ANK2: variants seen among roughly 807,000 people sequenced by gnomAD.
ANK2 encodes ankyrin 2.
Under a neutral mutation model 360.5 loss-of-function variants are expected in ANK2, and 83 were observed. That is an observed-to-expected ratio of 0.23 (90% confidence interval 0.19 to 0.28). The LOEUF (loss-of-function observed/expected upper bound fraction) is 0.28, where lower values mean the gene tolerates loss of function less well. Ranked by LOEUF, ANK2 falls within the 10% of genes least tolerant of loss-of-function variation. The pLI is 1.00. For synonymous variants in ANK2, 1,740 were observed against 1,759.5 expected, an observed-to-expected ratio of 0.99 and a Z score of 0.28; for missense variants, 4,201 against 4,795.7, an observed-to-expected ratio of 0.88 and a Z score of 3.66.
At position 113,170,722 on chromosome 4, in the gene ANK2, A is replaced by G. The variant is rs147540930; in HGVS notation, c.85-3694A>G. On this transcript the variant is annotated intron_variant, in intron 1 of 45. Coordinates refer to ENST00000357077, the MANE Select transcript of ANK2 (RefSeq NM_001148.6). ...ATTCCTCCCTGCCTTTCATGTCCACACTGCTGGGTGCTAAGAAAGTTGTTC... is the reference window on the plus strand; with the variant it reads ...ATTCCTCCCTGCCTTTCATGTCCACGCTGCTGGGTGCTAAGAAAGTTGTTC... Among the ~76,000 whole-genome samples, 95 of 152,314 alleles carry G rather than the reference A, an allele frequency of 6.2e-4. No individual in the cohort carries two copies. The East Asian group carries it at 0.016, about 26-fold the overall frequency.
intron 1 of ANK2, chr4:112,881,828 T>C: frequency 1.1e-6 from 1 of 938,240 alleles, no homozygotes; most frequent in Non-Finnish European, 1.7e-6. Context: ...CACCAACAAA[T>C]ATCTTTTTCA....
At chr4:113,321,824 C>T (rs759312884) in intron 26 of ANK2, among the ~76,000 whole-genome samples, 12 of 152,150 alleles carry the variant, frequency 7.9e-5, no homozygotes, top group Non-Finnish European at 1.3e-4. Context: ...CCTCCACCTC[C>T]CGGGTTCAAG....
At chr4:113,369,897 C>T in intron 43 of ANK2, 92 bp downstream of exon 43, 1 of 1,540,054 alleles carries the variant, frequency 6.5e-7, no homozygotes, top group African/African-American at 1.4e-5. Flanking sequence ...TTTTGCACTT[C>T]AAAACAAAAA....
intron 1 of ANK2, among the ~76,000 whole-genome samples, chr4:113,112,552 C>T (rs1174607253): frequency 1.3e-5 from 2 of 152,186 alleles, no homozygotes; most frequent in East Asian, 1.9e-4. Flanking sequence ...CCCCAGACTT[C>T]CTCTGTCATA....
chr4:113,020,509 C>T (rs189026694), intron 2 of ANK2, among the ~76,000 whole-genome samples: 6 of 152,122 alleles, frequency 3.9e-5, no homozygotes, highest in African/African-American at 9.6e-5. Flanking sequence ...GCAGTCTTAA[C>T]GATAATTTGT....
chr4:112,787,876 C>T, the ANK2 span, among the ~76,000 whole-genome samples: 59 of 152,274 alleles, frequency 3.9e-4, no homozygotes, highest in Non-Finnish European at 6.6e-4. Context: ...ATGTTCTGAA[C>T]TTAGCTGAAA....
At chr4:112,856,882 C>T (rs1450028623) in intron 1 of ANK2, among the ~76,000 whole-genome samples, 1 of 152,110 alleles carries the variant, frequency 6.6e-6, no homozygotes, top group Non-Finnish European at 1.5e-5. Context: ...CAGTTGAAGA[C>T]GTATAGCCAA....
intron 39 of ANK2, 67 bp downstream of exon 39, chr4:113,360,964 C>T (rs987523482): frequency 1.4e-6 from 2 of 1,395,624 alleles, no homozygotes; most frequent in Admixed American, 1.8e-5. Context: ...GTGTCATTCA[C>T]AGCATAAAAG....
chr4:112,995,006 C>T (rs1246209685), intron 2 of ANK2, among the ~76,000 whole-genome samples: 1 of 152,220 alleles, frequency 6.6e-6, no homozygotes, highest in Non-Finnish European at 1.5e-5. Context: ...CAGTCCACCA[C>T]TGATAGGCAC....
chr4:112,950,861 T>A (rs2094915979), intron 2 of ANK2, among the ~76,000 whole-genome samples: 1 of 150,842 alleles, frequency 6.6e-6, no homozygotes, highest in East Asian at 2.0e-4. Flanking sequence ...AGCGGGCGGA[T>A]CACGAGGTCA....
At chr4:113,159,511 A>T (rs1272040694) in intron 1 of ANK2, among the ~76,000 whole-genome samples, 5 of 152,126 alleles carry the variant, frequency 3.3e-5, no homozygotes, top group Admixed American at 3.3e-4. Flanking sequence ...TTGCCCTTTC[A>T]TGGATAATTT....
At chr4:112,992,148 CT>C (rs767245844) in intron 2 of ANK2, among the ~76,000 whole-genome samples, 508 of 143,556 alleles carry the variant, frequency 3.5e-3, no homozygotes, top group Middle Eastern at 3.7e-3. Flanking sequence ...TCTACTTCTA[CT>C]TTTTTTTTTT....
intron 2 of ANK2, among the ~76,000 whole-genome samples, chr4:113,187,864 A>G (rs1312874430): frequency 6.6e-6 from 1 of 152,200 alleles, no homozygotes; most frequent in East Asian, 1.9e-4. Flanking sequence ...ATCATTCTGA[A>G]TCTCAAATTA....
intron 1 of ANK2, among the ~76,000 whole-genome samples, chr4:113,107,253 G>C (rs1304703966): frequency 6.6e-6 from 1 of 151,948 alleles, no homozygotes; most frequent in East Asian, 1.9e-4. Flanking sequence ...GTTTTGCTCT[G>C]TTGCCCAGGT....
chr4:113,290,162 G>GT lies in ANK2; in HGVS notation c.2277+1684dup, dbSNP rs201484217. Reference sequence around the variant, plus strand: ...AGAAAAATCTCATTTTATCATTTCAGTTTTTTTTGTTTTTTTTTTTTTAAG... The same window carrying GT: ...AGAAAAATCTCATTTTATCATTTCAGTTTTTTTTTGTTTTTTTTTTTTTAAG... On this transcript the variant is annotated intron_variant, in intron 20 of 45. Transcript: ENST00000357077. Among the ~76,000 whole-genome samples, 68 of 144,528 alleles carry GT rather than the reference G, an allele frequency of 4.7e-4. No homozygotes were observed. The South Asian group carries it at 7.2e-3, about 15-fold the overall frequency. 94.8% of individuals were successfully genotyped at this position (144,528 alleles called of 152,430 possible).
chr4:112,837,401 C>A (rs2061223980), intron 1 of ANK2, among the ~76,000 whole-genome samples: 1 of 152,262 alleles, frequency 6.6e-6, no homozygotes, highest in Non-Finnish European at 1.5e-5. Context: ...CATGGCGAAC[C>A]TCTGCTGGGG....
At position 112,882,713 on chromosome 4, in the gene ANK2, TA is replaced by T. The variant is rs548539349; in HGVS notation, c.-39-21738del. Among the ~76,000 whole-genome samples the T allele has an allele frequency of 3.7e-3, 556 of 148,672 alleles. 6 individuals carry two copies. The highest frequency in any genetic ancestry group is 0.011 in the African/African-American group (461 of 40,494). On this transcript the variant is annotated intron_variant, in intron 1 of 30. Coordinates refer to the ANK2 transcript ENST00000503271. ...CATTAATAATAGAATTTTTTTTTTT[TA>T]AAATGAAGCAAAAAACCTAGGTTCT...
Position 113,357,169 on chromosome 4 carries a change from C to A in ANK2, c.8551C>A (p.Pro2851Thr), listed in dbSNP as rs137856530. The A allele has an allele frequency of 1.2e-6, 2 of 1,614,104 alleles. No homozygotes were observed. Among genetic ancestry groups the A allele is most frequent in the Admixed American group, 1.7e-5 (1 of 60,024 alleles). The change falls in exon 38 of 46, where the codon CCT becomes ACT. Residue 2851 changes from proline (P) to threonine (T), a missense_variant. By Grantham distance (38) the Pro-to-Thr change is conservative (BLOSUM62 -1). Coordinates refer to ENST00000357077, the MANE Select transcript of ANK2 (RefSeq NM_001148.6). ...AAGCTTTTCATCTTCATCCTCTTTG[C>A]CTCATTGTTTGGTATCTGAAGGAAA... ...SESFSSSSSLPHCLVSEGKEL... is the reference protein window; with the variant it reads ...SESFSSSSSLTHCLVSEGKEL...
At chr4:112,857,561 C>T (rs1011248697) in intron 1 of ANK2, among the ~76,000 whole-genome samples, 1 of 152,108 alleles carries the variant, frequency 6.6e-6, no homozygotes, top group Non-Finnish European at 1.5e-5. Flanking sequence ...CCCAGAATTC[C>T]GCATCATGGA....
Sources: allele counts gnomAD v4.1 joint callset (sites outside exome capture counted in the v4.1 genomes callset), GRCh38; gene constraint gnomAD v4.1.1; transcripts MANE v1.5; gene names NCBI Gene and HGNC (gene_info 2026-07-23, HGNC 2026-07-21).